GRIK1: variants seen among roughly 807,000 people sequenced by gnomAD.
GRIK1 encodes the protein glutamate receptor ionotropic, kainate 1.
GRIK1 carries 69 observed loss-of-function variants against 105.7 expected under a neutral mutation model. The observed-to-expected ratio is 0.65, with a 90% CI of 0.54 to 0.80. GRIK1 has a LOEUF of 0.80. Ranked by LOEUF, GRIK1 falls within the 30% of genes least tolerant of loss-of-function variation. GRIK1 has a pLI of 0.00. For missense variants in GRIK1, 1,109 were observed against 1,167.3 expected, an observed-to-expected ratio of 0.95 and a Z score of 0.73; for synonymous variants, 438 against 431.3, an observed-to-expected ratio of 1.02 and a Z score of -0.19.
intron 1 of GRIK1, among the ~76,000 whole-genome samples, chr21:29,841,112 T>A (rs2067969305): frequency 1.3e-5 from 2 of 152,190 alleles, no homozygotes; most frequent in South Asian, 4.1e-4. Context: ...TAAACACATT[T>A]TAATTTTTAT....
At chr21:29,886,732 CAGG>C (rs1450600962) in intron 1 of GRIK1, among the ~76,000 whole-genome samples, 2 of 152,046 alleles carry the variant, frequency 1.3e-5, no homozygotes. Context: ...TTCTTATCAC[CAGG>C]TTAATAGAAC....
At chr21:29,843,169 T>TAA (rs1325902761) in intron 1 of GRIK1, among the ~76,000 whole-genome samples, 1 of 152,156 alleles carries the variant, frequency 6.6e-6, no homozygotes, top group Non-Finnish European at 1.5e-5. Context: ...TACCATATTT[T>TAA]AAAAACTTGT....
At chr21:29,857,693 G>T (rs1009197940) in intron 1 of GRIK1, among the ~76,000 whole-genome samples, 6 of 152,042 alleles carry the variant, frequency 3.9e-5, no homozygotes, top group African/African-American at 1.2e-4. Flanking sequence ...AATATTAAAA[G>T]GATAATAAGC....
chr21:29,561,291 A>T (rs1396546101), intron 15 of GRIK1, among the ~76,000 whole-genome samples: 5 of 152,234 alleles, frequency 3.3e-5, no homozygotes, highest in Non-Finnish European at 7.3e-5. Flanking sequence ...TTATATAGGC[A>T]TATATGGGTA....
chr21:29,754,333 C>A (rs2065280658), intron 1 of GRIK1, among the ~76,000 whole-genome samples: 1 of 152,054 alleles, frequency 6.6e-6, no homozygotes, highest in Admixed American at 6.5e-5. Context: ...ATGCGTCATG[C>A]CTACAAAGAC....
chr21:29,618,662 C>T (rs1224381396), intron 7 of GRIK1, among the ~76,000 whole-genome samples: 1 of 152,144 alleles, frequency 6.6e-6, no homozygotes, highest in Non-Finnish European at 1.5e-5. Context: ...TATATATGCA[C>T]AATGGAATAC....
At chr21:29,900,252 A>C (rs1280276656) in intron 1 of GRIK1, among the ~76,000 whole-genome samples, 1 of 152,064 alleles carries the variant, frequency 6.6e-6, no homozygotes, top group Non-Finnish European at 1.5e-5. Flanking sequence ...AGCTAGCATC[A>C]TAATGACAGG....
At chr21:29,647,538 G>A (rs1354320136) in intron 6 of GRIK1, among the ~76,000 whole-genome samples, 1 of 152,184 alleles carries the variant, frequency 6.6e-6, no homozygotes, top group Admixed American at 6.5e-5. Flanking sequence ...TCTGACGTAA[G>A]TTTATGTTGT....
chr21:29,618,193 T>G (rs550417649), intron 7 of GRIK1, among the ~76,000 whole-genome samples: 45 of 152,368 alleles, frequency 3.0e-4, no homozygotes, highest in Admixed American at 2.7e-3. Flanking sequence ...TCCCTATTAA[T>G]GTACACATGG....
chr21:29,860,222 A>G (rs1370479804), intron 1 of GRIK1, among the ~76,000 whole-genome samples: 1 of 152,080 alleles, frequency 6.6e-6, no homozygotes, highest in Non-Finnish European at 1.5e-5. Context: ...GAGGCTATCT[A>G]CTCTAAGCCT....
At chr21:29,667,040 CA>C (rs1333083230) in intron 4 of GRIK1, among the ~76,000 whole-genome samples, 1 of 152,176 alleles carries the variant, frequency 6.6e-6, no homozygotes, top group Non-Finnish European at 1.5e-5. Context: ...ACAGTGCCAG[CA>C]TACGGTACGT....
At chr21:29,858,656 A>G (rs538890737) in intron 1 of GRIK1, among the ~76,000 whole-genome samples, 13 of 152,216 alleles carry the variant, frequency 8.5e-5, no homozygotes, top group Non-Finnish European at 1.2e-4. Context: ...TTCGGGAGCT[A>G]AGGGGCTGCA....
In GRIK1 at chr21:29,694,022, C is replaced by T; in HGVS notation, c.160G>A (p.Glu54Lys). 1 of 1,612,070 alleles carries T rather than the reference C, an allele frequency of 6.2e-7. No homozygotes were observed. Among genetic ancestry groups the T allele is most frequent in the Admixed American group, 1.7e-5 (1 of 59,916 alleles). ...ACTGCAAACTTGAAAGCTAATTCTT[C>T]AACATTAACAGGCTCATTTTCCACT... ...ETVENEPVNVEELAFKFAVTS... is the reference protein window; with the variant it reads ...ETVENEPVNVKELAFKFAVTS... Residue 54 changes from glutamate to lysine, a missense_variant, in exon 2 of 18, where the codon GAA becomes AAA. Glu to Lys is a moderately conservative substitution (Grantham distance 56). Transcript: ENST00000327783.
intron 1 of GRIK1, among the ~76,000 whole-genome samples, chr21:29,922,341 A>T (rs1051129673): frequency 2.6e-5 from 4 of 152,234 alleles, no homozygotes; most frequent in Admixed American, 1.3e-4. Context: ...TTTTCTATAT[A>T]TTTGTTTATT....
chr21:29,731,119 C>T (rs914022228), intron 1 of GRIK1, among the ~76,000 whole-genome samples: 1 of 152,158 alleles, frequency 6.6e-6, no homozygotes, highest in African/African-American at 2.4e-5. Flanking sequence ...CTGATGGTTT[C>T]CCATCAAAAC....
At chr21:29,760,088 A>T (rs894880040) in intron 1 of GRIK1, 3 of 152,218 alleles carry the variant, frequency 2.0e-5, no homozygotes, top group Non-Finnish European at 4.4e-5. Context: ...AGACCTAAGA[A>T]ATTAAGTGAT....
At chr21:29,776,836 T>TC (rs1457384896) in intron 1 of GRIK1, among the ~76,000 whole-genome samples, 1 of 152,218 alleles carries the variant, frequency 6.6e-6, no homozygotes, top group Non-Finnish European at 1.5e-5. Flanking sequence ...TGTATTTTTT[T>TC]CAATACATTT....
chr21:29,805,038 T>G (rs1056475419), intron 1 of GRIK1, among the ~76,000 whole-genome samples: 1 of 152,142 alleles, frequency 6.6e-6, no homozygotes, highest in Non-Finnish European at 1.5e-5. Context: ...TATTTGTTTT[T>G]CCTTTTCCTT....
chr21:29,896,388 T>C (rs1348486308), intron 1 of GRIK1, among the ~76,000 whole-genome samples: 1 of 152,196 alleles, frequency 6.6e-6, no homozygotes, highest in Non-Finnish European at 1.5e-5. Flanking sequence ...TGCAACTTAA[T>C]ATGCTACATA....
Sources: allele counts gnomAD v4.1 joint callset (sites outside exome capture counted in the v4.1 genomes callset), GRCh38; gene constraint gnomAD v4.1.1; transcripts MANE v1.5; gene names NCBI Gene and HGNC (gene_info 2026-07-23, HGNC 2026-07-21).